The following KCNH2 variants were observed in gnomAD, a reference collection of about 807,000 sequenced individuals.
KCNH2 encodes the protein potassium voltage-gated channel subfamily H member 2, also known as voltage-gated inwardly rectifying potassium channel KCNH2.
KCNH2 carries 35 observed loss-of-function variants against 95.9 expected under a neutral mutation model. That is an observed-to-expected ratio of 0.37 (90% CI 0.28 to 0.48). KCNH2 has a LOEUF of 0.48. Ranked by LOEUF, KCNH2 falls within the 20% of genes least tolerant of loss-of-function variation. The pLI is 0.99. For synonymous variants in KCNH2, 786 were observed against 754.7 expected (o/e 1.04, Z -0.68); for missense variants, 1,274 against 1,702.9 (o/e 0.75, Z 4.43).
rs747534042 is a variant in KCNH2, at chr7:150,977,951, CCCCGG to C, written c.-43_-39del. On this transcript the variant is annotated 5_prime_UTR_variant, in exon 1 of 15. Transcript: ENST00000262186. ...GGCGGGCCGGGCGGGCCCCCACCCA[CCCCGG>C]CCCGGCCCGGCCCAGCACTAGGCTT... 16 of 1,434,764 alleles carry C rather than the reference CCCCGG, an allele frequency of 1.1e-5. No individual in the cohort carries two copies. The highest frequency in any genetic ancestry group is 4.7e-4 in the Middle Eastern group (2 of 4,252). 88.9% of individuals were successfully genotyped at this position (1,434,764 alleles called of 1,614,324 possible). A position where few individuals can be genotyped will look rare whatever the true frequency, so the allele number is the denominator to read the frequency against.
At chr7:150,949,810 A>C in intron 9 of KCNH2, 7 of 1,224,998 alleles carry the variant, frequency 5.7e-6, no homozygotes, top group East Asian at 5.4e-5. Context: ...GCTGCAGGGA[A>C]CCACATGGCC....
intron 2 of KCNH2, among the ~76,000 whole-genome samples, chr7:150,970,427 C>T (rs1052214595): frequency 2.6e-5 from 4 of 152,226 alleles, no homozygotes; most frequent in South Asian, 4.1e-4. Context: ...GCCGCTCTCC[C>T]GACGCTCTCC....
chr7:150,950,287 G>C lies in KCNH2; in HGVS notation c.2279C>G (p.Thr760Ser). ...TGTGTCCCCTGGCGGTGCATGTGTGGTCTTGAACTTCATGGCCAGGGCCCG... is the reference window on the plus strand; with the variant it reads ...TGTGTCCCCTGGCGGTGCATGTGTGCTCTTGAACTTCATGGCCAGGGCCCG... ...CLRALAMKFK[T>S]THAPPGDTLV... The change falls in exon 9 of 15, where the codon ACC becomes AGC. Residue 760 changes from threonine (T) to serine (S), a missense_variant. Physicochemically the swap from Thr to Ser is moderately conservative, Grantham distance 58 (BLOSUM62 1). Around this residue, in one of 7 missense-constraint regions of KCNH2, gnomAD observed 159 missense variants for 282.5 expected, o/e 0.56. Coordinates refer to ENST00000262186, the MANE Select transcript of KCNH2 (RefSeq NM_000238.4). 1 of 1,613,908 alleles carries C rather than the reference G, an allele frequency of 6.2e-7. No homozygotes were observed. Among genetic ancestry groups the C allele is most frequent in the Non-Finnish European group, 8.5e-7 (1 of 1,179,986 alleles).
chr7:150,945,558 G>T lies in KCNH2; in HGVS notation c.3331-44C>A. On this transcript the variant is annotated intron_variant, in intron 14 of 14. Coordinates refer to ENST00000262186, the MANE Select transcript of KCNH2 (RefSeq NM_000238.4). This position sits in a 1 kb window ranked among gnomAD's most constrained non-coding sequence, Gnocchi z 5.6. ...ATGGGCAGGCGAAGAGGCCATGGAG[G>T]AGGAGGAAGGGGAGGGAAAGGGGCA... 6.5e-7 allele frequency: 1 copy of T among 1,550,078 alleles called. No individual in the cohort carries two copies. Among genetic ancestry groups the T allele is most frequent in the Non-Finnish European group, 8.7e-7 (1 of 1,145,072 alleles).
Position 150,974,778 on chromosome 7 carries a change from C to G in KCNH2, c.240G>C (p.Ala80=). 6.2e-7 allele frequency: 1 copy of G among 1,605,064 alleles called. No homozygotes were observed. Among genetic ancestry groups the G allele is most frequent in the East Asian group, 2.2e-5 (1 of 44,490 alleles). The change falls in exon 2 of 15, where the codon GCG becomes GCC. Residue 80 remains alanine (A), a synonymous_variant. Coordinates refer to ENST00000262186, the MANE Select transcript of KCNH2 (RefSeq NM_000238.4). The part of the protein sequence containing the change: ...HGPRTQRRAA[A]QIAQALLGAE... ...CGCCCAGCAGTGCCTGCGCGATCTGCGCGGCAGCGCGGCGCTGCGTGCGCG... is the reference window on the plus strand; with the variant it reads ...CGCCCAGCAGTGCCTGCGCGATCTGGGCGGCAGCGCGGCGCTGCGTGCGCG...
In KCNH2 at chr7:150,950,570, G is replaced by C. The variant is rs1297601097; in HGVS notation, c.2146-150C>G. 10 of 1,079,684 alleles carry C rather than the reference G, an allele frequency of 9.3e-6. No homozygotes were observed. The East Asian group carries it at 1.6e-4, about 17-fold the overall frequency. 66.9% of individuals were successfully genotyped at this position (1,079,684 alleles called of 1,614,324 possible). A position where few individuals can be genotyped will look rare whatever the true frequency, so the allele number is the denominator to read the frequency against. ...AGCATCAGGGGGCCCAGTGTCTTGG[G>C]AAGGACCTGGGACCCCACTCCAGCT... On this transcript the variant is annotated intron_variant, in intron 8 of 14. Coordinates refer to ENST00000262186, the MANE Select transcript of KCNH2 (RefSeq NM_000238.4).
chr7:150,949,791 A>G, intron 9 of KCNH2: 1 of 1,214,708 alleles, frequency 8.2e-7, no homozygotes, highest in Non-Finnish European at 1.1e-6. Context: ...TCAAGGGGCC[A>G]GGCATGAGGC....
rs1474982625 is a variant in KCNH2 at position 150,974,947 on chromosome 7, G to A, written c.77-6C>T. ...GGCGATGATGAACTTACGGCCTAGG[G>A]GGGCGGGGAGGAGAGTGCGCGTGAG... On this transcript the variant is annotated splice_region_variant and splice_polypyrimidine_tract_variant and intron_variant, in intron 1 of 14. Coordinates refer to ENST00000262186, the MANE Select transcript of KCNH2 (RefSeq NM_000238.4). The A allele has an allele frequency of 1.3e-6, 2 of 1,585,756 alleles. No individual in the cohort carries two copies. The highest frequency in any genetic ancestry group is 2.3e-5 in the East Asian group (1 of 43,842).
chr7:150,959,493 C>T (rs1801491799), intron 3 of KCNH2, 79 bp downstream of exon 3: 15 of 1,528,418 alleles, frequency 9.8e-6, no homozygotes, highest in Middle Eastern at 3.4e-4. Context: ...TCCTGCAGAG[C>T]GTTGACCTTG....
At chr7:150,955,512 T>C (rs1383428715) in intron 5 of KCNH2, 3 of 1,541,442 alleles carry the variant, frequency 1.9e-6, no homozygotes, top group Non-Finnish European at 2.6e-6. Flanking sequence ...ATGGAGGACT[T>C]GGCTCCCTGC....
chr7:150,972,401 C>T (rs1294198020), intron 2 of KCNH2, among the ~76,000 whole-genome samples: 1 of 152,242 alleles, frequency 6.6e-6, no homozygotes, highest in East Asian at 1.9e-4. Flanking sequence ...CGCACACACG[C>T]AGCCCAAGCC....
rs1220553941 is a variant in KCNH2 at position 150,961,061 on chromosome 7, C to T, written c.308-1325G>A. On this transcript the variant is annotated intron_variant, in intron 2 of 14. Transcript: ENST00000262186. The surrounding 1 kb of genome is among the most constrained non-coding windows in gnomAD (Gnocchi z 6.2). ...AGGCAGGCTCCTCATCTCCCACTCT[C>T]CCTAGGGAGCCTCTTCCTTCCTCTC... 6.6e-6 allele frequency among the ~76,000 whole-genome samples: 1 copy of T among 152,168 alleles called. No homozygotes were observed. Among genetic ancestry groups the T allele is most frequent in the Non-Finnish European group, 1.5e-5 (1 of 68,026 alleles).
intron 11 of KCNH2, among the ~76,000 whole-genome samples, chr7:150,948,117 C>T (rs962611331): frequency 2.6e-5 from 4 of 152,246 alleles, no homozygotes; most frequent in Non-Finnish European, 5.9e-5. Context: ...TCTGGGACTG[C>T]GGGGCCTCAG....
intron 1 of KCNH2, among the ~76,000 whole-genome samples, chr7:150,975,907 C>T (rs1801969826): frequency 6.6e-6 from 1 of 152,202 alleles, no homozygotes; most frequent in African/African-American, 2.4e-5. Flanking sequence ...GGGACCTGCC[C>T]AGGGATGTGA....
chr7:150,962,454 C>T lies in KCNH2; in HGVS notation c.308-2718G>A, dbSNP rs751819768. On this transcript the variant is annotated intron_variant, in intron 2 of 14. Transcript: ENST00000262186. The surrounding 1 kb of genome is among the most constrained non-coding windows in gnomAD (Gnocchi z 5.7). The stretch of plus-strand genomic sequence containing the variant: ...TTCCAACCTTGAGACCTCAGCAGCC[C>T]GTCCCCTCTTCAGCTCAAGCTGCTC... Among the ~76,000 whole-genome samples, 6 of 152,138 alleles carry T rather than the reference C, an allele frequency of 3.9e-5. No individual in the cohort carries two copies. The highest frequency in any genetic ancestry group is 2.1e-4 in the South Asian group (1 of 4,824).
rs1378720816 is a variant in KCNH2 at position 150,962,881 on chromosome 7, C to T, written c.308-3145G>A. Among the ~76,000 whole-genome samples the T allele has an allele frequency of 2.0e-5, 3 of 152,176 alleles. No individual in the cohort carries two copies. The highest frequency in any genetic ancestry group is 1.9e-4 in the East Asian group (1 of 5,178). On this transcript the variant is annotated intron_variant, in intron 2 of 14. Coordinates refer to ENST00000262186, the MANE Select transcript of KCNH2 (RefSeq NM_000238.4). The surrounding 1 kb of genome is among the most constrained non-coding windows in gnomAD (Gnocchi z 5.7). ...GGCACTGCCTGCAACCACCCTGCCG[C>T]GTCGGCTGGGGCTTCGGTGAACTGC...
chr7:150,951,857 C>T (rs1801186639), intron 6 of KCNH2, 22 bp from the exon 7 acceptor site: 7 of 1,550,374 alleles, frequency 4.5e-6, no homozygotes, highest in Non-Finnish European at 6.1e-6. Flanking sequence ...GGAAGGGGCA[C>T]ATTCCGTTGA....
In KCNH2 at chr7:150,950,957, G is replaced by A. The variant is rs202214833; in HGVS notation, c.2109C>T (p.His703=). Reference sequence around the variant, plus strand: ...CGATGCCGTTGGTGTAGGACCAGGCGTGCTGGAAGTACTCCTCGAGGCGCT... The same window carrying A: ...CGATGCCGTTGGTGTAGGACCAGGCATGCTGGAAGTACTCCTCGAGGCGCT... ...LRQRLEEYFQ[H]AWSYTNGIDM... The change falls in exon 8 of 15, where the codon CAC becomes CAT. Residue 703 remains histidine, a synonymous_variant. Transcript: ENST00000262186. 17 of 1,614,222 alleles carry A rather than the reference G, an allele frequency of 1.1e-5. No homozygotes were observed. Among genetic ancestry groups the A allele is most frequent in the East Asian group, 4.5e-5 (2 of 44,874 alleles).
intron 5 of KCNH2, among the ~76,000 whole-genome samples, chr7:150,956,348 G>A (rs1157206904): frequency 1.3e-5 from 2 of 152,154 alleles, no homozygotes; most frequent in East Asian, 3.9e-4. Flanking sequence ...TGGGAGCAGG[G>A]CCAGGAGCCC....
Sources: allele counts gnomAD v4.1 joint callset (sites outside exome capture counted in the v4.1 genomes callset), GRCh38; gene constraint gnomAD v4.1.1; regional missense constraint gnomAD v4.1.1; non-coding constraint Gnocchi (gnomAD v3.1); transcripts MANE v1.5; gene names NCBI Gene and HGNC (gene_info 2026-07-23, HGNC 2026-07-21).